EPHA3: variants seen among roughly 807,000 people sequenced by gnomAD.
EPHA3 encodes the protein ephrin type-A receptor 3.
EPHA3 carries 42 observed loss-of-function variants against 107.1 expected under a neutral mutation model. That is an observed-to-expected ratio of 0.39 (90% CI 0.31 to 0.51). The LOEUF (loss-of-function observed/expected upper bound fraction) is 0.51. Ranked by LOEUF, EPHA3 falls within the 20% of genes least tolerant of loss-of-function variation. EPHA3 has a pLI of 0.78. For synonymous variants in EPHA3, 461 were observed against 424.8 expected, an observed-to-expected ratio of 1.09 and a Z score of -1.05; for missense variants, 1,183 against 1,211.2, an observed-to-expected ratio of 0.98 and a Z score of 0.35.
intron 5 of EPHA3, among the ~76,000 whole-genome samples, chr3:89,362,541 A>G (rs1228021296): frequency 6.6e-6 from 1 of 151,224 alleles, no homozygotes; most frequent in Non-Finnish European, 1.5e-5. Context: ...AGGCTGCAAC[A>G]AGAAAGCTTC....
At chr3:89,113,087 A>G (rs1228584636) in intron 1 of EPHA3, among the ~76,000 whole-genome samples, 1 of 152,174 alleles carries the variant, frequency 6.6e-6, no homozygotes, top group Non-Finnish European at 1.5e-5. Context: ...GTACACAAGT[A>G]GCTTTCCACA....
chr3:89,478,222 T>C (rs553870726), intron 16 of EPHA3, among the ~76,000 whole-genome samples: 2 of 152,350 alleles, frequency 1.3e-5, no homozygotes, highest in African/African-American at 4.8e-5. Flanking sequence ...TATTATATAT[T>C]TAATAAAAGA....
chr3:89,440,374 G>A (rs1043508914), intron 13 of EPHA3, among the ~76,000 whole-genome samples: 14 of 152,148 alleles, frequency 9.2e-5, no homozygotes, highest in Non-Finnish European at 7.4e-5. Context: ...AACAGGAAAT[G>A]TGAATTATAA....
At position 89,467,590 on chromosome 3, in the gene EPHA3, CA is replaced by C. The variant is rs560036181; in HGVS notation, c.2691-4873del. ...TACCCGAAGATATTCCTGGGATTGG[CA>C]GTTGTTTATTGAGCTTTTTCCCCAG... On this transcript the variant is annotated intron_variant, in intron 15 of 16. Transcript: ENST00000336596. Among the ~76,000 whole-genome samples, 41 of 152,262 alleles carry C rather than the reference CA, an allele frequency of 2.7e-4. No individual in the cohort carries two copies. The East Asian group carries it at 7.7e-3, about 29-fold the overall frequency.
chr3:89,300,038 A>G (rs987011085), intron 3 of EPHA3, among the ~76,000 whole-genome samples: 5 of 152,066 alleles, frequency 3.3e-5, no homozygotes, highest in African/African-American at 9.6e-5. Flanking sequence ...CAACAAAAGA[A>G]TTTAAAAATA....
intron 5 of EPHA3, among the ~76,000 whole-genome samples, chr3:89,349,783 C>T (rs1402628322): frequency 1.3e-4 from 20 of 150,200 alleles, no homozygotes; most frequent in African/African-American, 4.6e-4. Context: ...TTTAGCGCTT[C>T]CTTCAGGAGC....
At chr3:89,377,743 T>C (rs1431744841) in intron 5 of EPHA3, among the ~76,000 whole-genome samples, 1 of 152,146 alleles carries the variant, frequency 6.6e-6, no homozygotes, top group Non-Finnish European at 1.5e-5. Context: ...TGAATAATAA[T>C]GATTCTTGGC....
intron 3 of EPHA3, among the ~76,000 whole-genome samples, chr3:89,219,686 A>ATGTGTTTTTTTGTTT (rs746458955): frequency 2.6e-5 from 1 of 38,812 alleles, no homozygotes; most frequent in Non-Finnish European, 6.3e-5. Flanking sequence ...GCATTTGGCA[A>ATGTGTTTTTTTGTTT]TGTTTTTTTT....
chr3:89,412,081 C>A (rs1224085522), intron 9 of EPHA3, among the ~76,000 whole-genome samples: 2 of 151,800 alleles, frequency 1.3e-5, no homozygotes. Context: ...AGTTACATTG[C>A]AATTTCCTTT....
chr3:89,371,237 T>G (rs756841673), intron 5 of EPHA3, among the ~76,000 whole-genome samples: 5 of 151,740 alleles, frequency 3.3e-5, no homozygotes, highest in Non-Finnish European at 7.4e-5. Context: ...GACATTATAA[T>G]TTGTACCAAT....
chr3:89,266,606 A>G (rs1243332168), intron 3 of EPHA3, among the ~76,000 whole-genome samples: 1 of 152,012 alleles, frequency 6.6e-6, no homozygotes, highest in African/African-American at 2.4e-5. Flanking sequence ...TAAGAATATA[A>G]CTTTTCTTAC....
intron 9 of EPHA3, among the ~76,000 whole-genome samples, chr3:89,411,464 C>T (rs1159578997): frequency 1.3e-5 from 2 of 151,886 alleles, no homozygotes; most frequent in Non-Finnish European, 2.9e-5. Flanking sequence ...TTTGCCCTCT[C>T]ACCACCATCC....
chr3:89,269,373 C>T (rs1472801989), intron 3 of EPHA3, among the ~76,000 whole-genome samples: 2 of 152,010 alleles, frequency 1.3e-5, no homozygotes, highest in East Asian at 3.9e-4. Context: ...AAATGCAAAT[C>T]CTTGGTTCCT....
At chr3:89,153,217 TA>T (rs1159167125) in intron 2 of EPHA3, among the ~76,000 whole-genome samples, 1 of 152,036 alleles carries the variant, frequency 6.6e-6, no homozygotes, top group African/African-American at 2.4e-5. Context: ...TTGAAGCAGG[TA>T]AATGAGTCAG....
intron 1 of EPHA3, among the ~76,000 whole-genome samples, chr3:89,112,286 TAA>T (rs1302500955): frequency 2.0e-5 from 3 of 152,082 alleles, no homozygotes; most frequent in South Asian, 4.1e-4. Context: ...AAGTTTTTGG[TAA>T]AGTTTTTCAT....
chr3:89,370,062 C>A (rs1311182845), intron 5 of EPHA3, among the ~76,000 whole-genome samples: 2 of 150,702 alleles, frequency 1.3e-5, no homozygotes, highest in Admixed American at 1.3e-4. Context: ...GTTGGTGGGA[C>A]TGTAAACTAG....
intron 2 of EPHA3, among the ~76,000 whole-genome samples, chr3:89,206,588 A>G (rs1173137537): frequency 6.6e-6 from 1 of 152,166 alleles, no homozygotes; most frequent in Non-Finnish European, 1.5e-5. Flanking sequence ...TAATGTTACT[A>G]GAGAAGACTC....
At chr3:89,456,518 G>T (rs1489664907) in intron 15 of EPHA3, among the ~76,000 whole-genome samples, 1 of 152,122 alleles carries the variant, frequency 6.6e-6, no homozygotes, top group East Asian at 1.9e-4. Flanking sequence ...TACCGCAATA[G>T]AAGTCTTTTT....
intron 3 of EPHA3, among the ~76,000 whole-genome samples, chr3:89,319,718 A>T (rs772632096): frequency 5.9e-5 from 9 of 151,942 alleles, no homozygotes; most frequent in Admixed American, 2.0e-4. Context: ...GGGGCCTCAG[A>T]TGACCTAAAC....
Sources: gnomAD v4.1 joint callset for allele counts (sites outside exome capture counted in the v4.1 genomes callset) on GRCh38, gnomAD v4.1.1 for gene constraint, MANE v1.5 for transcripts, NCBI Gene and HGNC (gene_info 2026-07-23, HGNC 2026-07-21) for gene names.